The following BMPER variants were observed in gnomAD, a reference collection of about 807,000 sequenced individuals.
BMPER encodes BMP-binding endothelial regulator protein.
In BMPER, 45 loss-of-function variants were observed where a neutral mutation model predicts 87.3. The ratio of observed to expected loss-of-function variants is 0.52; its 90% CI spans 0.41 to 0.66. The LOEUF (loss-of-function observed/expected upper bound fraction) is 0.66. Ranked by LOEUF, BMPER falls within the 30% of genes least tolerant of loss-of-function variation. The probability of loss-of-function intolerance (pLI) is 0.00; values close to 1 mark genes in which losing one functional copy is unlikely to be tolerated. For synonymous variants in BMPER, 326 were observed against 316.2 expected, an observed-to-expected ratio of 1.03 and a Z score of -0.33; for missense variants, 784 against 867.5, an observed-to-expected ratio of 0.90 and a Z score of 1.21.
chr7:34,091,731 A>G (rs981389687), intron 13 of BMPER, among the ~76,000 whole-genome samples: 5 of 152,198 alleles, frequency 3.3e-5, no homozygotes, highest in African/African-American at 9.7e-5. Flanking sequence ...AGTTATTTAT[A>G]TCCTACTGCT....
Position 34,051,874 on chromosome 7 carries a change from G to A in BMPER, c.690G>A (p.Val230=), listed in dbSNP as rs1349496384. ...CCPKCLGQRK[V]FDLPFGSCLF... ...GTTTCTCTCTAGGTCAGAGGAAAGT[G>A]TTTGACCTCCCTTTTGGGAGCTGCC... Residue 230 remains valine (V), a synonymous_variant, in exon 8 of 15, where the codon GTG becomes GTA. Transcript: ENST00000649409. The A allele has an allele frequency of 6.2e-7, 1 of 1,613,578 alleles. No homozygotes were observed. Among genetic ancestry groups the A allele is most frequent in the Non-Finnish European group, 8.5e-7 (1 of 1,179,486 alleles).
intron 4 of BMPER, among the ~76,000 whole-genome samples, chr7:33,968,171 T>C (rs1785450907): frequency 5.3e-5 from 8 of 152,172 alleles, no homozygotes; most frequent in Admixed American, 3.9e-4. Flanking sequence ...GAAGAGAAAG[T>C]TGATGTTACC....
intron 6 of BMPER, among the ~76,000 whole-genome samples, chr7:34,001,474 C>T (rs1479911618): frequency 1.3e-5 from 2 of 151,000 alleles, no homozygotes; most frequent in African/African-American, 4.8e-5. Context: ...TACAGTTGTT[C>T]ATAATAGTCC....
chr7:34,056,316 T>C (rs936661487), intron 9 of BMPER, among the ~76,000 whole-genome samples: 13 of 152,112 alleles, frequency 8.5e-5, no homozygotes, highest in African/African-American at 1.7e-4. Context: ...GATGGGTTGA[T>C]AGGTGGAGTA....
chr7:33,921,723 T>A, intron 2 of BMPER: 3 of 470,906 alleles, frequency 6.4e-6, no homozygotes, highest in South Asian at 4.6e-5. Flanking sequence ...CTTTCTGGGA[T>A]GGGTAGCAGC....
At chr7:34,083,631 G>A (rs1247815911) in intron 12 of BMPER, among the ~76,000 whole-genome samples, 1 of 152,158 alleles carries the variant, frequency 6.6e-6, no homozygotes, top group African/African-American at 2.4e-5. Flanking sequence ...CTACTCATAG[G>A]AATGCTATCT....
At chr7:34,042,187 G>T (rs1453111355) in intron 6 of BMPER, among the ~76,000 whole-genome samples, 1 of 152,128 alleles carries the variant, frequency 6.6e-6, no homozygotes, top group Non-Finnish European at 1.5e-5. Flanking sequence ...AAATAGACTT[G>T]GCATAGGTTT....
At chr7:34,105,998 A>G (rs1183415557) in intron 13 of BMPER, among the ~76,000 whole-genome samples, 1 of 152,138 alleles carries the variant, frequency 6.6e-6, no homozygotes, top group Admixed American at 6.5e-5. Context: ...TCTTAGCAAA[A>G]CAACACTTGC....
chr7:34,118,106 G>A (rs1790163766), intron 13 of BMPER, among the ~76,000 whole-genome samples: 1 of 152,082 alleles, frequency 6.6e-6, no homozygotes, highest in Non-Finnish European at 1.5e-5. Context: ...GCAAGGTCAG[G>A]AGTTCGAGAC....
chr7:33,938,697 G>A (rs1784672578), intron 3 of BMPER, among the ~76,000 whole-genome samples: 1 of 152,138 alleles, frequency 6.6e-6, no homozygotes, highest in Non-Finnish European at 1.5e-5. Flanking sequence ...GGGGAGACAT[G>A]GACCCTTTCT....
intron 13 of BMPER, among the ~76,000 whole-genome samples, chr7:34,109,873 A>G (rs1277538767): frequency 6.6e-6 from 1 of 152,126 alleles, no homozygotes; most frequent in Non-Finnish European, 1.5e-5. Context: ...GTTCTATTCC[A>G]CTTGCTCTAG....
chr7:33,948,166 GTTA>G (rs1486242963), intron 3 of BMPER, among the ~76,000 whole-genome samples: 4 of 152,142 alleles, frequency 2.6e-5, no homozygotes, highest in African/African-American at 9.7e-5. Context: ...TTCTCTGGTA[GTTA>G]TTATATCTAA....
chr7:34,047,254 T>TTCG (rs1023830227), intron 7 of BMPER, among the ~76,000 whole-genome samples: 1 of 151,774 alleles, frequency 6.6e-6, no homozygotes, highest in Admixed American at 6.6e-5. Flanking sequence ...ATATGCTACC[T>TTCG]TCTTCTTCTT....
chr7:33,970,481 C>T, intron 5 of BMPER, 62 bp downstream of exon 5: 1 of 1,508,884 alleles, frequency 6.6e-7, no homozygotes, highest in Non-Finnish European at 9.2e-7. Flanking sequence ...ATGCATGAAT[C>T]TCCCAACCCC....
At chr7:33,983,510 C>T (rs1785916543) in intron 6 of BMPER, among the ~76,000 whole-genome samples, 1 of 152,146 alleles carries the variant, frequency 6.6e-6, no homozygotes, top group Non-Finnish European at 1.5e-5. Context: ...GTGCCAGGTA[C>T]ATATAGTATA....
intron 11 of BMPER, among the ~76,000 whole-genome samples, chr7:34,065,856 C>T (rs1377749676): frequency 2.0e-5 from 3 of 152,186 alleles, no homozygotes; most frequent in African/African-American, 7.2e-5. Flanking sequence ...CTTTTTATGT[C>T]TGTAAGCTAC....
chr7:33,938,847 G>T (rs1163831430), intron 3 of BMPER, among the ~76,000 whole-genome samples: 1 of 152,124 alleles, frequency 6.6e-6, no homozygotes. Context: ...CCAACATGAT[G>T]AAACCCTGTC....
In BMPER at chr7:34,046,419, T is replaced by C; in HGVS notation, c.676+14T>C. 6.2e-7 allele frequency: 1 copy of C among 1,605,964 alleles called. No homozygotes were observed. ...CCAAATGTTTGGGTGAGTTACTATTTTCAGGTCAAAGAACAATGTAATTTC... is the reference window on the plus strand; with the variant it reads ...CCAAATGTTTGGGTGAGTTACTATTCTCAGGTCAAAGAACAATGTAATTTC... On this transcript the variant is annotated intron_variant, in intron 7 of 14. Transcript: ENST00000649409.
chr7:33,978,485 C>A lies in BMPER; in HGVS notation c.576+3701C>A, dbSNP rs531704801. On this transcript the variant is annotated intron_variant, in intron 6 of 14. Coordinates refer to ENST00000649409, the MANE Select transcript of BMPER (RefSeq NM_001365308.1). ...GGAAGCCAGTGTAAAATTCATACCT[C>A]AGAATGTTTTCACTGAAGGAGTGAG... 1.4e-4 allele frequency among the ~76,000 whole-genome samples: 21 copies of A among 152,308 alleles called. No homozygotes were observed. The South Asian group carries it at 4.4e-3, about 32-fold the overall frequency.
Sources: gnomAD v4.1 joint callset for allele counts (sites outside exome capture counted in the v4.1 genomes callset) on GRCh38, gnomAD v4.1.1 for gene constraint, MANE v1.5 for transcripts, NCBI Gene and HGNC (gene_info 2026-07-23, HGNC 2026-07-21) for gene names.